FER1L6: variants seen among roughly 807,000 people sequenced by gnomAD.
FER1L6 encodes the protein fer-1 like family member 6, also known as fer-1-like protein 6.
FER1L6 carries 177 observed loss-of-function variants against 219.2 expected under a neutral mutation model. The observed-to-expected ratio is 0.81, with a 90% confidence interval of 0.71 to 0.91. The LOEUF (loss-of-function observed/expected upper bound fraction) is 0.91. Ranked by LOEUF, FER1L6 falls within the 40% of genes least tolerant of loss-of-function variation. The pLI is 0.00. For synonymous variants in FER1L6, 768 were observed against 824.3 expected, an observed-to-expected ratio of 0.93 and a Z score of 1.17; for missense variants, 2,153 against 2,259.9, an observed-to-expected ratio of 0.95 and a Z score of 0.96.
At chr8:123,860,033 GGTTA>G (rs1816718745) in intron 1 of FER1L6, among the ~76,000 whole-genome samples, 1 of 141,842 alleles carries the variant, frequency 7.1e-6, no homozygotes, top group African/African-American at 2.8e-5. Context: ...ACTTTGTGCA[GGTTA>G]GTTACATATG....
chr8:123,959,394 T>C (rs1345685224), intron 2 of FER1L6, among the ~76,000 whole-genome samples: 1 of 152,206 alleles, frequency 6.6e-6, no homozygotes, highest in Non-Finnish European at 1.5e-5. Context: ...GCCCTTGCAG[T>C]CAAGGAGGGG....
Position 124,060,242 on chromosome 8 carries a change from C to A in FER1L6, c.2937C>A (p.Tyr979Ter). ...PVEPPDITQI[Y>*]PVPANIRPVL... Reference sequence around the variant, plus strand: ...AGCCACCAGACATCACCCAGATCTACCCGGTTCCTGCCAACATTCGGCCGG... The same window carrying A: ...AGCCACCAGACATCACCCAGATCTAACCGGTTCCTGCCAACATTCGGCCGG... The change falls in exon 23 of 41, where the codon TAC becomes TAA. Residue 979 changes from tyrosine (Y) to a stop codon, truncating the protein, a stop_gained. Transcript: ENST00000522917. LOFTEE classifies it high-confidence loss of function. 6.2e-7 allele frequency: 1 copy of A among 1,614,164 alleles called. No homozygotes were observed.
chr8:124,073,323 C>G (rs2130879347), intron 31 of FER1L6, among the ~76,000 whole-genome samples: 1 of 152,258 alleles, frequency 6.6e-6, no homozygotes, highest in South Asian at 2.1e-4. Flanking sequence ...AGGCCTTGGG[C>G]TGGAACTTGA....
At chr8:124,030,713 A>G (rs1166734286) in intron 18 of FER1L6, among the ~76,000 whole-genome samples, 4 of 152,148 alleles carry the variant, frequency 2.6e-5, no homozygotes, top group Admixed American at 2.0e-4. Context: ...AGCTTTTCCT[A>G]GGATGCAGCA....
intron 34 of FER1L6, among the ~76,000 whole-genome samples, chr8:124,092,921 T>G (rs1822105652): frequency 1.3e-5 from 2 of 150,986 alleles, no homozygotes; most frequent in South Asian, 4.2e-4. Flanking sequence ...AGTGGCATGA[T>G]CTAGGCTCAC....
chr8:124,059,203 T>G (rs888969821), intron 22 of FER1L6, among the ~76,000 whole-genome samples: 10 of 152,200 alleles, frequency 6.6e-5, no homozygotes, highest in African/African-American at 2.4e-4. Flanking sequence ...GAGAACCACC[T>G]GCTCCAAAGC....
intron 1 of FER1L6, among the ~76,000 whole-genome samples, chr8:123,933,662 GTA>G (rs1813871026): frequency 6.6e-6 from 1 of 152,178 alleles, no homozygotes; most frequent in African/African-American, 2.4e-5. Context: ...ATGAGGAAAA[GTA>G]TATGAAACAA....
chr8:123,927,207 T>C (rs1414300334), intron 1 of FER1L6, among the ~76,000 whole-genome samples: 2 of 151,034 alleles, frequency 1.3e-5, no homozygotes, highest in Non-Finnish European at 1.5e-5. Flanking sequence ...CCTAGTTTTA[T>C]GGCCTAGAAG....
chr8:123,980,502 G>C lies in FER1L6; in HGVS notation c.1101G>C (p.Leu367=). ...CCTTTGGGCCTGCCTGGATTAACCT[G>C]TATGGCTCGCCCAGGAACCACAGTC... ...LPTFGPAWIN[L]YGSPRNHSLM... Residue 367 remains leucine, a synonymous_variant, in exon 11 of 41, where the codon CTG becomes CTC. Coordinates refer to ENST00000522917, the MANE Select transcript of FER1L6 (RefSeq NM_001039112.2). The C allele has an allele frequency of 3.1e-6, 5 of 1,614,110 alleles. No individual in the cohort carries two copies. Among genetic ancestry groups the C allele is most frequent in the Middle Eastern group, 1.7e-4 (1 of 6,060 alleles).
At chr8:123,986,653 C>A (rs1315581781) in intron 12 of FER1L6, among the ~76,000 whole-genome samples, 3 of 151,990 alleles carry the variant, frequency 2.0e-5, no homozygotes, top group Non-Finnish European at 4.4e-5. Flanking sequence ...TGCACTTCTC[C>A]CCTGCCTCCC....
intron 33 of FER1L6, among the ~76,000 whole-genome samples, chr8:124,085,339 C>G (rs1821735393): frequency 6.6e-6 from 1 of 151,942 alleles, no homozygotes; most frequent in African/African-American, 2.4e-5. Context: ...AGTTTTTCTA[C>G]TTTTTTGATG....
At chr8:123,886,246 A>T (rs1372243503) in intron 1 of FER1L6, among the ~76,000 whole-genome samples, 2 of 152,248 alleles carry the variant, frequency 1.3e-5, no homozygotes, top group South Asian at 2.1e-4. Flanking sequence ...ACTCAAGTGG[A>T]AATTTGCTCC....
intron 1 of FER1L6, among the ~76,000 whole-genome samples, chr8:123,858,039 G>T (rs1816679342): frequency 6.6e-6 from 1 of 152,052 alleles, no homozygotes; most frequent in Non-Finnish European, 1.5e-5. Context: ...TCCTCATTTG[G>T]CCAGGGACTG....
At chr8:124,053,617 G>C (rs1003177595) in intron 22 of FER1L6, among the ~76,000 whole-genome samples, 91 of 152,188 alleles carry the variant, frequency 6.0e-4, no homozygotes, top group African/African-American at 2.1e-3. Context: ...TGCTCAGAAG[G>C]ATTTAGAGGC....
At chr8:124,047,366 T>C (rs1327675139) in intron 21 of FER1L6, among the ~76,000 whole-genome samples, 1 of 152,234 alleles carries the variant, frequency 6.6e-6, no homozygotes, top group Admixed American at 6.5e-5. Flanking sequence ...TATAGGATCA[T>C]GAGGACTAAA....
At chr8:123,939,449 A>G (rs1004913216) in intron 1 of FER1L6, among the ~76,000 whole-genome samples, 1 of 152,132 alleles carries the variant, frequency 6.6e-6, no homozygotes, top group Non-Finnish European at 1.5e-5. Context: ...ACATTACTGA[A>G]GTGCTGGAGA....
At chr8:123,917,168 C>T (rs565716628) in intron 1 of FER1L6, among the ~76,000 whole-genome samples, 5 of 152,282 alleles carry the variant, frequency 3.3e-5, no homozygotes, top group African/African-American at 1.2e-4. Flanking sequence ...TCCATTCATC[C>T]GTCCATTTAC....
chr8:124,010,885 C>A (rs968947155), intron 14 of FER1L6, among the ~76,000 whole-genome samples, 171 bp downstream of exon 14: 5 of 152,144 alleles, frequency 3.3e-5, no homozygotes, highest in African/African-American at 1.2e-4. Flanking sequence ...GGGAATGAGA[C>A]CTCATTTTGC....
intron 12 of FER1L6, among the ~76,000 whole-genome samples, chr8:123,991,905 A>T (rs1403564849): frequency 6.6e-6 from 1 of 151,914 alleles, no homozygotes; most frequent in African/African-American, 2.4e-5. Context: ...GTTTTTTTTT[A>T]AATCATAAAA....
Sources: gnomAD v4.1 joint callset for allele counts (sites outside exome capture counted in the v4.1 genomes callset) on GRCh38, gnomAD v4.1.1 for gene constraint, MANE v1.5 for transcripts, NCBI Gene and HGNC (gene_info 2026-07-23, HGNC 2026-07-21) for gene names.